RBM47: variants seen among roughly 807,000 people sequenced by gnomAD.
RBM47 encodes RNA binding motif protein 47, also known as RNA-binding protein 47.
Under a neutral mutation model 47.1 loss-of-function variants are expected in RBM47, and 21 were observed. That is an observed-to-expected ratio of 0.45 (90% CI 0.32 to 0.64). The LOEUF (loss-of-function observed/expected upper bound fraction) is 0.64. RBM47 is among the 30% of genes least tolerant of loss of function. RBM47 has a pLI of 0.05. For missense variants in RBM47, 708 were observed against 870.9 expected (o/e 0.81, Z 2.35); for synonymous variants, 375 against 361.7 (o/e 1.04, Z -0.42).
intron 1 of RBM47, among the ~76,000 whole-genome samples, chr4:40,596,291 G>A (rs951726872): frequency 6.6e-6 from 1 of 152,164 alleles, no homozygotes. Flanking sequence ...GGAGAAAGGT[G>A]GATCATTCCT....
intron 2 of RBM47, among the ~76,000 whole-genome samples, chr4:40,536,748 CAG>C (rs1728032989): frequency 6.6e-6 from 1 of 150,698 alleles, no homozygotes; most frequent in Non-Finnish European, 1.5e-5. Flanking sequence ...TTGTTGTTGA[CAG>C]AGTCTCGCTC....
chr4:40,516,466 G>C (rs925308237), intron 2 of RBM47, among the ~76,000 whole-genome samples: 1 of 151,764 alleles, frequency 6.6e-6, no homozygotes, highest in African/African-American at 2.4e-5. Flanking sequence ...CACCATGTTG[G>C]CCAGGCTGGT....
chr4:40,538,532 G>C (rs1396917129), intron 2 of RBM47, among the ~76,000 whole-genome samples: 1 of 151,996 alleles, frequency 6.6e-6, no homozygotes, highest in Non-Finnish European at 1.5e-5. Flanking sequence ...TCACTACGTT[G>C]GCCAGGATGG....
chr4:40,529,834 TAATAAATAAATA>T (rs200058463), intron 2 of RBM47, among the ~76,000 whole-genome samples: 2,199 of 137,344 alleles, frequency 0.016, 23 homozygotes, highest in Middle Eastern at 0.033. Flanking sequence ...ATCTAAAAAA[TAATAAATAAATA>T]AATAAATAAA....
intron 2 of RBM47, among the ~76,000 whole-genome samples, chr4:40,474,705 T>C (rs1719366128): frequency 1.3e-5 from 2 of 152,178 alleles, no homozygotes; most frequent in Admixed American, 1.3e-4. Context: ...TGTTATAAAA[T>C]ACAAACCCAT....
At chr4:40,464,890 C>CAAAAAAAAAAA (rs71646997) in intron 3 of RBM47, among the ~76,000 whole-genome samples, 1 of 32,082 alleles carries the variant, frequency 3.1e-5, no homozygotes, top group African/African-American at 1.5e-4. Flanking sequence ...GACTCTGTCT[C>CAAAAAAAAAAA]AAAAAAAAAA....
intron 1 of RBM47, among the ~76,000 whole-genome samples, chr4:40,606,254 T>C (rs1259734390): frequency 6.8e-6 from 1 of 147,474 alleles, no homozygotes; most frequent in Non-Finnish European, 1.5e-5. Context: ...AATGATGATG[T>C]AGGTGATATA....
At chr4:40,511,692 A>G (rs750007478) in intron 2 of RBM47, among the ~76,000 whole-genome samples, 44 of 152,240 alleles carry the variant, frequency 2.9e-4, no homozygotes, top group Non-Finnish European at 5.9e-4. Flanking sequence ...ACAGGGGCTC[A>G]AGCCTGTAAT....
chr4:40,437,090 A>AAAAAAAAAAAAAAATATATAT (rs1256296949), intron 4 of RBM47, among the ~76,000 whole-genome samples: 12 of 49,792 alleles, frequency 2.4e-4, no homozygotes, highest in East Asian at 7.8e-4. Flanking sequence ...AAAAAAAAAA[A>AAAAAAAAAAAAAAATATATAT]ATATATATAT....
intron 1 of RBM47, among the ~76,000 whole-genome samples, chr4:40,568,661 G>A (rs1197356356): frequency 6.6e-6 from 1 of 151,738 alleles, no homozygotes; most frequent in Non-Finnish European, 1.5e-5. Flanking sequence ...TCCTAACCAG[G>A]AATATTCTGA....
chr4:40,541,800 G>C (rs1728572704), intron 2 of RBM47, among the ~76,000 whole-genome samples: 1 of 152,122 alleles, frequency 6.6e-6, no homozygotes, highest in African/African-American at 2.4e-5. Flanking sequence ...TGAAACCTGA[G>C]AATCTCACAC....
chr4:40,493,374 G>A (rs1247563969), intron 2 of RBM47, among the ~76,000 whole-genome samples: 1 of 152,194 alleles, frequency 6.6e-6, no homozygotes, highest in Admixed American at 6.5e-5. Context: ...GCATTCTGGG[G>A]TGGATGTAAG....
intron 1 of RBM47, among the ~76,000 whole-genome samples, chr4:40,621,543 T>C (rs558812297): frequency 6.6e-6 from 1 of 152,176 alleles, no homozygotes. Context: ...ACAATCTAAA[T>C]GGAATCCTGT....
At chr4:40,522,332 C>T (rs1726274374) in intron 2 of RBM47, among the ~76,000 whole-genome samples, 1 of 152,124 alleles carries the variant, frequency 6.6e-6, no homozygotes. Flanking sequence ...TGGTGAAGCC[C>T]TGTTTCTACT....
At chr4:40,427,481 CTG>C (rs1715227329) in intron 6 of RBM47, 1 of 152,198 alleles carries the variant, frequency 6.6e-6, no homozygotes, top group Non-Finnish European at 1.5e-5. Context: ...AATGGGAAGA[CTG>C]TGGTTCAGTA....
At chr4:40,436,002 C>CAAAAAAAAA (rs11452583) in intron 5 of RBM47, among the ~76,000 whole-genome samples, 1 of 111,286 alleles carries the variant, frequency 9.0e-6, no homozygotes, top group Admixed American at 1.0e-4. Context: ...ACTAAAAATA[C>CAAAAAAAAA]AAAAAAAAAA....
At chr4:40,553,753 C>G (rs1408995032) in intron 1 of RBM47, among the ~76,000 whole-genome samples, 7 of 152,094 alleles carry the variant, frequency 4.6e-5, no homozygotes, top group Non-Finnish European at 1.5e-5. Flanking sequence ...AATAAAATAT[C>G]CCCTGGTTGG....
In RBM47 at chr4:40,521,428, TGACCTCAGGTGATC is replaced by T. The variant is rs541498388; in HGVS notation, c.-155+22980_-155+22993del. Among the ~76,000 whole-genome samples the T allele has an allele frequency of 1.9e-4, 29 of 152,320 alleles. No individual in the cohort carries two copies. In the South Asian group the frequency reaches 5.6e-3, roughly 29 times the overall value. ...GTTGGCCAGGCTGGTCTTGAACTCC[TGACCTCAGGTGATC>T]CACCTGCCTCAGACTCCCAAAGTGC... On this transcript the variant is annotated intron_variant, in intron 2 of 6. Coordinates refer to ENST00000295971, the MANE Select transcript of RBM47 (RefSeq NM_001098634.2).
rs1056024845 is a variant in RBM47, at chr4:40,457,439, C to A, written c.-32+9138G>T. On this transcript the variant is annotated intron_variant, in intron 3 of 6. Coordinates refer to ENST00000295971, the MANE Select transcript of RBM47 (RefSeq NM_001098634.2). ...CTCCATCTCAAAAAAAAAAAAAAAA[C>A]AAAAAAAAGGCATTTTAAAATTTGT... is the stretch of plus-strand genomic sequence containing the variant. Among the ~76,000 whole-genome samples, 301 of 129,994 alleles carry A rather than the reference C, an allele frequency of 2.3e-3. 1 individual carries two copies. The highest frequency in any genetic ancestry group is 8.3e-3 in the Middle Eastern group (2 of 242). The allele number at this position is 129,994 out of a possible 152,430, so 85.3% of individuals were successfully genotyped here.
Sources: gnomAD v4.1 joint callset for allele counts (sites outside exome capture counted in the v4.1 genomes callset) on GRCh38, gnomAD v4.1.1 for gene constraint, MANE v1.5 for transcripts, NCBI Gene and HGNC (gene_info 2026-07-23, HGNC 2026-07-21) for gene names.